MARCO: variants seen among roughly 807,000 people sequenced by gnomAD.
MARCO encodes the protein macrophage receptor with collagenous structure.
A neutral mutation model predicts 70.0 loss-of-function variants in MARCO; 72 were observed. The observed-to-expected ratio is 1.03, with a 90% CI of 0.85 to 1.25. The LOEUF is 1.25. MARCO is among the 50% of genes most tolerant of loss of function. MARCO has a pLI of 0.00. For missense variants in MARCO, 696 were observed against 659.3 expected, an observed-to-expected ratio of 1.06 and a Z score of -0.61; for synonymous variants, 273 against 243.1, an observed-to-expected ratio of 1.12 and a Z score of -1.14.
chr2:118,963,657 CA>C (rs1386743100), intron 1 of MARCO, among the ~76,000 whole-genome samples: 3 of 152,114 alleles, frequency 2.0e-5, no homozygotes, highest in Non-Finnish European at 4.4e-5. Context: ...GAGTTTCTAT[CA>C]ATTGCTGAAA....
intron 1 of MARCO, among the ~76,000 whole-genome samples, chr2:118,961,177 G>A (rs974140971): frequency 2.0e-5 from 3 of 152,034 alleles, no homozygotes; most frequent in Non-Finnish European, 4.4e-5. Flanking sequence ...CTTTGTTATT[G>A]TGAAGAGTGC....
intron 1 of MARCO, among the ~76,000 whole-genome samples, chr2:118,961,101 G>T (rs1434747448): frequency 6.6e-6 from 1 of 152,072 alleles, no homozygotes; most frequent in East Asian, 1.9e-4. Context: ...AGTATTCCCT[G>T]GAGTAAATGT....
At chr2:118,973,726 C>T (rs934760264) in intron 4 of MARCO, among the ~76,000 whole-genome samples, 10 of 152,150 alleles carry the variant, frequency 6.6e-5, no homozygotes, top group African/African-American at 2.4e-4. Flanking sequence ...CCTTCCCACG[C>T]AGGCTGCCTG....
chr2:118,991,382 T>C (rs964468863), intron 13 of MARCO, among the ~76,000 whole-genome samples: 2 of 152,066 alleles, frequency 1.3e-5, no homozygotes, highest in African/African-American at 2.4e-5. Context: ...CCCACCTTCG[T>C]CTCCCAAAGC....
intron 8 of MARCO, among the ~76,000 whole-genome samples, chr2:118,980,591 G>T (rs1192965227): frequency 1.3e-5 from 2 of 152,166 alleles, no homozygotes; most frequent in African/African-American, 4.8e-5. Context: ...ATCCCAATAA[G>T]CCTTTTTGAA....
At position 118,944,628 on chromosome 2, in the gene MARCO, T is replaced by C. The variant is rs116002249; in HGVS notation, c.97+2231T>C. ...TTGGTATTGAAATATAAAATGCTGT[T>C]TTTCCCTGATTATAAAGTATTAAAC... On this transcript the variant is annotated intron_variant, in intron 1 of 16. Transcript: ENST00000327097. 8.0e-3 allele frequency among the ~76,000 whole-genome samples: 1,204 copies of C among 151,108 alleles called. 24 individuals are homozygous for C. The highest frequency in any genetic ancestry group is 0.028 in the African/African-American group (1,143 of 41,198).
intron 1 of MARCO, among the ~76,000 whole-genome samples, chr2:118,958,672 G>C (rs892756417): frequency 6.6e-6 from 1 of 151,856 alleles, no homozygotes; most frequent in Non-Finnish European, 1.5e-5. Context: ...AATTCATATG[G>C]AACCAAAAAA....
At chr2:118,972,663 A>T (rs2104581970) in intron 4 of MARCO, among the ~76,000 whole-genome samples, 1 of 152,326 alleles carries the variant, frequency 6.6e-6, no homozygotes, top group Middle Eastern at 3.4e-3. Flanking sequence ...CTTCGTTATT[A>T]TTATGACTAT....
chr2:118,994,436 T>C lies in MARCO; in HGVS notation c.1479T>C (p.Ser493=), dbSNP rs376976677. The change falls in exon 17 of 17, where the codon AGT becomes AGC. Residue 493 remains serine, a synonymous_variant. Coordinates refer to ENST00000327097, the MANE Select transcript of MARCO (RefSeq NM_006770.4). ...ATGTTCAGTGTCGGGGCACGGAGAG[T>C]ACCCTGTGGAGCTGCACCAAGAATA... ...LDNVQCRGTE[S]TLWSCTKNSW... is the part of the protein sequence containing the mutation. 4 of 1,613,698 alleles carry C rather than the reference T, an allele frequency of 2.5e-6. No homozygotes were observed. In the African/African-American group the frequency reaches 5.3e-5, roughly 22 times the overall value.
At chr2:118,988,408 T>C (rs1440757170) in intron 12 of MARCO, among the ~76,000 whole-genome samples, 1 of 151,970 alleles carries the variant, frequency 6.6e-6, no homozygotes, top group African/African-American at 2.4e-5. Context: ...CTTACCTGCA[T>C]GTGAACAGCG....
At chr2:118,981,225 T>C (rs1206882921) in intron 8 of MARCO, among the ~76,000 whole-genome samples, 184 bp from the exon 9 acceptor site, 1 of 152,118 alleles carries the variant, frequency 6.6e-6, no homozygotes, top group Non-Finnish European at 1.5e-5. Context: ...GTTTCTTTCT[T>C]GTCTCTGGGG....
At chr2:118,943,225 G>C (rs1166539940) in intron 1 of MARCO, among the ~76,000 whole-genome samples, 1 of 152,172 alleles carries the variant, frequency 6.6e-6, no homozygotes, top group Non-Finnish European at 1.5e-5. Context: ...CCAGGTCCCT[G>C]CCTGGAATTT....
Position 118,970,113 on chromosome 2 carries a change from G to T in MARCO, c.200-1G>T. On this transcript the variant is annotated splice_acceptor_variant, in intron 2 of 16. Coordinates refer to ENST00000327097, the MANE Select transcript of MARCO (RefSeq NM_006770.4). LOFTEE classifies it high-confidence loss of function. ...AAAGAATGCTGTGGGGTGGGGCCCAGTTCTGAATCTGCAGGCGCGGCTCCG... is the reference window on the plus strand; with the variant it reads ...AAAGAATGCTGTGGGGTGGGGCCCATTTCTGAATCTGCAGGCGCGGCTCCG... The T allele has an allele frequency of 6.2e-7, 1 of 1,613,758 alleles. No individual in the cohort carries two copies. The highest frequency in any genetic ancestry group is 8.5e-7 in the Non-Finnish European group (1 of 1,179,822).
At chr2:118,954,110 C>T (rs1211787390) in intron 1 of MARCO, among the ~76,000 whole-genome samples, 1 of 152,242 alleles carries the variant, frequency 6.6e-6, no homozygotes, top group Non-Finnish European at 1.5e-5. Flanking sequence ...GCAGACTTCA[C>T]AGGCAGGAGA....
chr2:118,959,811 T>A (rs916721924), intron 1 of MARCO, among the ~76,000 whole-genome samples: 10 of 152,202 alleles, frequency 6.6e-5, no homozygotes, highest in Non-Finnish European at 1.2e-4. Context: ...TAACAGCATT[T>A]TCAGTGACCT....
chr2:118,982,353 C>A lies in MARCO; in HGVS notation c.1006C>A (p.Pro336Thr). ...CTGTGGTGTCTGTTGTCCAGGACTT[C>A]CAGGGAGCCCCGGGAGTCCAGGAGC... is the stretch of plus-strand genomic sequence containing the variant. ...SAGSPGRAGL[P>T]GSPGSPGATG... The change falls in exon 12 of 17, where the codon CCA becomes ACA. Residue 336 changes from proline (P) to threonine (T), a missense_variant. Pro to Thr is a conservative substitution (Grantham distance 38). Coordinates refer to ENST00000327097, the MANE Select transcript of MARCO (RefSeq NM_006770.4). 1.2e-6 allele frequency: 2 copies of A among 1,613,894 alleles called. No individual in the cohort carries two copies. The highest frequency in any genetic ancestry group is 1.7e-6 in the Non-Finnish European group (2 of 1,179,896).
At chr2:118,981,805 G>C (rs1376137899) in intron 10 of MARCO, 149 bp downstream of exon 10, 1 of 845,740 alleles carries the variant, frequency 1.2e-6, no homozygotes, top group Non-Finnish European at 1.9e-6. Flanking sequence ...TGGCCAAGAG[G>C]AACAGAGCAG....
chr2:118,956,969 A>C (rs1679848997), intron 1 of MARCO, among the ~76,000 whole-genome samples: 1 of 152,110 alleles, frequency 6.6e-6, no homozygotes, highest in South Asian at 2.1e-4. Flanking sequence ...ACAACCTATC[A>C]AAACCTCTAG....
At chr2:118,988,432 G>A (rs1013436176) in intron 12 of MARCO, among the ~76,000 whole-genome samples, 6 of 152,022 alleles carry the variant, frequency 3.9e-5, no homozygotes, top group Admixed American at 2.0e-4. Flanking sequence ...GTCAAGACTG[G>A]TGGGGAGAAA....
Sources: allele counts gnomAD v4.1 joint callset (sites outside exome capture counted in the v4.1 genomes callset), GRCh38; gene constraint gnomAD v4.1.1; transcripts MANE v1.5; gene names NCBI Gene and HGNC (gene_info 2026-07-23, HGNC 2026-07-21).